ANO4: variants seen among roughly 807,000 people sequenced by gnomAD.
ANO4 encodes anoctamin-4.
ANO4 carries 69 observed loss-of-function variants against 141.9 expected under a neutral mutation model. The ratio of observed to expected loss-of-function variants is 0.49; its 90% CI spans 0.40 to 0.59. The LOEUF is 0.59. Among genes scored for constraint, ANO4 ranks in the 20% least tolerant of loss-of-function variants. The pLI is 0.00. For missense variants in ANO4, 894 were observed against 1,162.2 expected (o/e 0.77, Z 3.36); for synonymous variants, 350 against 394.3 (o/e 0.89, Z 1.33).
chr12:100,762,675 G>A (rs1047188360), intron 3 of ANO4, among the ~76,000 whole-genome samples: 1 of 152,062 alleles, frequency 6.6e-6, no homozygotes, highest in African/African-American at 2.4e-5. Context: ...CTTGGCTGGC[G>A]GAGGTCTCAG....
chr12:101,095,653 A>G (rs562138542), intron 18 of ANO4, among the ~76,000 whole-genome samples: 1 of 152,238 alleles, frequency 6.6e-6, no homozygotes, highest in Non-Finnish European at 1.5e-5. Flanking sequence ...AATTTGTGGA[A>G]ATGAATTGAT....
intron 4 of ANO4, 65 bp from the exon 5 acceptor site, chr12:100,942,312 A>G: frequency 1.9e-6 from 3 of 1,545,762 alleles, no homozygotes; most frequent in Non-Finnish European, 1.8e-6. Context: ...TTGTTCTTTA[A>G]CATTACTCAC....
chr12:100,870,365 C>T (rs1228616630), intron 1 of ANO4, among the ~76,000 whole-genome samples: 2 of 152,182 alleles, frequency 1.3e-5, no homozygotes, highest in Non-Finnish European at 2.9e-5. Context: ...TTATCCTTAT[C>T]ATATTCTACA....
intron 2 of ANO4, among the ~76,000 whole-genome samples, chr12:100,910,378 G>T (rs2041049311): frequency 6.6e-6 from 1 of 152,100 alleles, no homozygotes; most frequent in Non-Finnish European, 1.5e-5. Flanking sequence ...CTCTCATTAT[G>T]CTGTATAAAT....
At chr12:100,826,278 G>A (rs2036333253) in intron 1 of ANO4, among the ~76,000 whole-genome samples, 1 of 107,656 alleles carries the variant, frequency 9.3e-6, no homozygotes, top group Non-Finnish European at 1.9e-5. Context: ...AAATATGTTT[G>A]AAGATGGAAT....
chr12:100,993,191 AAAGCAAACAAAC>A (rs1291370008), intron 8 of ANO4, among the ~76,000 whole-genome samples: 6 of 152,150 alleles, frequency 3.9e-5, no homozygotes, highest in African/African-American at 1.2e-4. Flanking sequence ...CCTATCTCTC[AAAGCAAACAAAC>A]AAGCAAACAA....
intron 5 of ANO4, among the ~76,000 whole-genome samples, chr12:100,958,570 A>G (rs1439500159): frequency 6.6e-6 from 1 of 152,178 alleles, no homozygotes; most frequent in Non-Finnish European, 1.5e-5. Flanking sequence ...ATAGAGGGCC[A>G]GGTGCAGTGG....
intron 14 of ANO4, among the ~76,000 whole-genome samples, chr12:101,075,491 T>G (rs1037596075): frequency 6.6e-6 from 1 of 150,710 alleles, no homozygotes; most frequent in African/African-American, 2.4e-5. Flanking sequence ...CTGAGAAAAT[T>G]CTTGTGGAAA....
chr12:101,050,765 T>C (rs1019873715), intron 14 of ANO4, among the ~76,000 whole-genome samples: 5 of 152,186 alleles, frequency 3.3e-5, no homozygotes, highest in African/African-American at 4.8e-5. Context: ...CTGCTGTACA[T>C]GGAGGAGCCT....
intron 7 of ANO4, among the ~76,000 whole-genome samples, chr12:100,984,669 A>G (rs1461627519): frequency 6.6e-6 from 1 of 152,196 alleles, no homozygotes; most frequent in Non-Finnish European, 1.5e-5. Context: ...TAACTTGTGG[A>G]AGGTCATACA....
intron 8 of ANO4, among the ~76,000 whole-genome samples, chr12:100,998,008 G>T (rs1033375453): frequency 8.5e-5 from 13 of 152,190 alleles, no homozygotes; most frequent in African/African-American, 3.1e-4. Context: ...ACCTGTGATG[G>T]TTAATACTGA....
chr12:100,946,090 A>G (rs2042708577), intron 5 of ANO4, among the ~76,000 whole-genome samples: 1 of 152,208 alleles, frequency 6.6e-6, no homozygotes, highest in Non-Finnish European at 1.5e-5. Flanking sequence ...AGCAAGTGCA[A>G]AGAGAACAGC....
At chr12:100,820,018 C>G (rs968091123) in intron 1 of ANO4, among the ~76,000 whole-genome samples, 2 of 151,888 alleles carry the variant, frequency 1.3e-5, no homozygotes, top group African/African-American at 2.4e-5. Flanking sequence ...ACTCTCTGCC[C>G]TTGACCTTTC....
Position 101,029,054 on chromosome 12 carries a change from A to G in ANO4, c.842-8041A>G, listed in dbSNP as rs149701445. On this transcript the variant is annotated intron_variant, in intron 9 of 27. Transcript: ENST00000392977. ...ACATTCTTAAAGAAAATAATTTTCA[A>G]CACAGAATTTTATATCCAGCCAAAC... Among the ~76,000 whole-genome samples the G allele has an allele frequency of 2.1e-3, 318 of 152,348 alleles. 1 individual carries two copies. The highest frequency in any genetic ancestry group is 7.2e-3 in the African/African-American group (301 of 41,576).
intron 3 of ANO4, among the ~76,000 whole-genome samples, chr12:100,776,007 AATG>A (rs2033489879): frequency 1.3e-5 from 2 of 152,190 alleles, no homozygotes; most frequent in South Asian, 4.1e-4. Context: ...TAACAGGCTG[AATG>A]ATGATAATAG....
upstream of ANO4, chr12:100,794,736 G>A (rs2135629544): frequency 6.6e-6 from 1 of 152,262 alleles, no homozygotes; most frequent in Non-Finnish European, 1.5e-5. Flanking sequence ...GACCAGTCCT[G>A]GGCGTGATGC....
intron 8 of ANO4, among the ~76,000 whole-genome samples, chr12:100,991,705 C>A (rs2045116230): frequency 6.6e-6 from 1 of 152,086 alleles, no homozygotes; most frequent in Non-Finnish European, 1.5e-5. Context: ...TAATTACTTT[C>A]TCCAAGTCTA....
intron 22 of ANO4, among the ~76,000 whole-genome samples, chr12:101,106,957 G>T (rs12366726): frequency 0.23 from 34,511 of 150,892 alleles, 4,060 homozygotes; most frequent in Admixed American, 0.29. Flanking sequence ...GGTCACCTTT[G>T]TGCTATGTAA....
intron 3 of ANO4, among the ~76,000 whole-genome samples, chr12:100,745,007 T>C (rs1165312209): frequency 1.3e-5 from 2 of 151,948 alleles, no homozygotes; most frequent in Non-Finnish European, 2.9e-5. Flanking sequence ...TTTCTTCCTC[T>C]TTTTCCACCT....
Sources: gnomAD v4.1 joint callset for allele counts (sites outside exome capture counted in the v4.1 genomes callset) on GRCh38, gnomAD v4.1.1 for gene constraint, MANE v1.5 for transcripts, NCBI Gene and HGNC (gene_info 2026-07-23, HGNC 2026-07-21) for gene names.